The following RBMX variants were observed in gnomAD, a reference collection of about 807,000 sequenced individuals.
RBMX encodes RNA-binding motif protein, X chromosome.
In RBMX, 1 loss-of-function variant was observed where a neutral mutation model predicts 29.3. The ratio of observed to expected loss-of-function variants is 0.03; its 90% CI spans 0.01 to 0.16. RBMX has a LOEUF of 0.16. Ranked by LOEUF, RBMX falls within the 10% of genes least tolerant of loss-of-function variation. The pLI is 1.00. For synonymous variants in RBMX, 102 were observed against 102.3 expected (o/e 1.00, Z 0.02); for missense variants, 121 against 333.2 (o/e 0.36, Z 4.96).
intron 1 of RBMX, 136 bp from the exon 2 acceptor site, chrX:136,879,589 A>G: frequency 1.8e-6 from 1 of 545,396 alleles, no homozygotes; most frequent in African/African-American, 2.3e-5. Flanking sequence ...TAACGAGCTA[A>G]GCCTCAGCCA....
downstream of RBMX, among the ~76,000 whole-genome samples, chrX:136,872,058 G>A (rs1474761567): frequency 3.6e-5 from 4 of 111,480 alleles, no homozygotes; most frequent in Non-Finnish European, 7.5e-5. Flanking sequence ...TCTCATGAAT[G>A]AGCCAGACTC....
Position 136,873,911 on chromosome X carries a change from T to C in RBMX, c.*231A>G. On this transcript the variant is annotated 3_prime_UTR_variant, in exon 9 of 9. Transcript: ENST00000320676. ...GAAAGTTACAACACTAGTACAAGTCTTAACACATTTAACATTTGCTTGTTG... is the reference window on the plus strand; with the variant it reads ...GAAAGTTACAACACTAGTACAAGTCCTAACACATTTAACATTTGCTTGTTG... 1 of 1,052,737 alleles carries C rather than the reference T, an allele frequency of 9.5e-7. No homozygotes were observed. The highest frequency in any genetic ancestry group is 2.8e-5 in the South Asian group (1 of 36,016). The allele number at this position is 1,052,737 out of a possible 1,213,427, so 86.8% of individuals were successfully genotyped here. A position where few individuals can be genotyped will look rare whatever the true frequency, so the allele number is the denominator to read the frequency against.
At chrX:136,877,500 G>C (rs2077746554) in intron 4 of RBMX, among the ~76,000 whole-genome samples, 3 of 103,763 alleles carry the variant, frequency 2.9e-5, no homozygotes, top group Admixed American at 1.0e-4. Context: ...CCCCAGGCTG[G>C]AGTACAGTGG....
At position 136,880,362 on chromosome X, in the gene RBMX, C is replaced by A. The variant is rs1369401234; in HGVS notation, c.-27+235G>T. Among the ~76,000 whole-genome samples, 4 of 112,518 alleles carry A rather than the reference C, an allele frequency of 3.6e-5. No homozygotes were observed. In the Admixed American group the frequency reaches 3.8e-4, roughly 11 times the overall value. On this transcript the variant is annotated intron_variant, in intron 1 of 8. Transcript: ENST00000320676. Reference sequence around the variant, plus strand: ...CCTCGCCCCGCTCCAGCCTACAAAGCCCCGACCTCCGCTACCAACTCCCGC... The same window carrying A: ...CCTCGCCCCGCTCCAGCCTACAAAGACCCGACCTCCGCTACCAACTCCCGC...
At chrX:136,869,458 T>C (rs769014254), downstream of RBMX, 100 of 111,995 alleles carry the variant, frequency 8.9e-4, 1 homozygote, top group African/African-American at 3.1e-3. Flanking sequence ...CTATATCCTA[T>C]ACTATCTTCA....
chrX:136,871,392 C>T (rs1304295889), downstream of RBMX, among the ~76,000 whole-genome samples: 8 of 96,784 alleles, frequency 8.3e-5, no homozygotes, highest in Non-Finnish European at 1.0e-4. Context: ...TGCAGTGAGC[C>T]GAGATCGCGC....
intron 5 of RBMX, 39 bp from the exon 6 acceptor site, chrX:136,875,624 A>G (rs1250942925): frequency 1.7e-6 from 2 of 1,186,149 alleles, no homozygotes; most frequent in African/African-American, 3.5e-5. Flanking sequence ...ATAGCCAGAG[A>G]AAAAAGTTAA....
rs952738545 is a variant in RBMX at position 136,877,336 on chromosome X, C to A, written c.388+579G>T. Reference sequence around the variant, plus strand: ...AACAAGTGCTAAACTCTACCCCCCCCCCCCCAAAAAAAAACCATTATTGAT... The same window carrying A: ...AACAAGTGCTAAACTCTACCCCCCCACCCCCAAAAAAAAACCATTATTGAT... On this transcript the variant is annotated intron_variant, in intron 4 of 8. Coordinates refer to ENST00000320676, the MANE Select transcript of RBMX (RefSeq NM_002139.4). 3.6e-5 allele frequency among the ~76,000 whole-genome samples: 3 copies of A among 84,347 alleles called. 1 individual carries two copies. Among genetic ancestry groups the A allele is most frequent in the African/African-American group, 8.4e-5 (2 of 23,777 alleles). The allele number at this position is 84,347 out of a possible 115,157, so 73.2% of individuals were successfully genotyped here. A position where few individuals can be genotyped will look rare whatever the true frequency, so the allele number is the denominator to read the frequency against.
At chrX:136,872,794 C>T (rs2077692649), downstream of RBMX, 1 of 113,859 alleles carries the variant, frequency 8.8e-6, no homozygotes, top group African/African-American at 3.3e-5. Flanking sequence ...TTTCATAGAA[C>T]TAAAAACAAG....
In RBMX at chrX:136,875,324, C is replaced by CGTG. The variant is rs2077715564; in HGVS notation, c.713_715dup (p.Pro238dup). 3 of 1,211,484 alleles carry CGTG rather than the reference C, an allele frequency of 2.5e-6. No individual in the cohort carries two copies. In the East Asian group the frequency reaches 8.9e-5, roughly 36 times the overall value. Reference sequence around the variant, plus strand: ...ACCATAATCACGGTAAGTATAATCTCGTGGTGGTGGTGCATAATCTCTAGT... The same window carrying CGTG: ...ACCATAATCACGGTAAGTATAATCTCGTGGTGGTGGTGGTGCATAATCTCTAGT... On this transcript the variant is annotated inframe_insertion, in exon 7 of 9. Transcript: ENST00000320676.
intron 4 of RBMX, among the ~76,000 whole-genome samples, chrX:136,877,331 C>CT (rs1224262939): frequency 1.3e-5 from 1 of 75,370 alleles, no homozygotes; most frequent in African/African-American, 4.7e-5. Context: ...AAACTCTACC[C>CT]CCCCCCCCCC....
At chrX:136,870,111 T>C (rs1229029024), downstream of RBMX, 1 of 112,789 alleles carries the variant, frequency 8.9e-6, no homozygotes, top group Non-Finnish European at 1.9e-5. Context: ...GTTGTCCCCA[T>C]GACTTTAGCT....
intron 5 of RBMX, among the ~76,000 whole-genome samples, chrX:136,876,125 G>GTTTT (rs778800086): frequency 1.5e-4 from 12 of 77,705 alleles, no homozygotes; most frequent in African/African-American, 4.5e-4. Context: ...TTTTTTTTTT[G>GTTTT]TTTTTTTTTT....
At chrX:136,880,484 C>G (rs1352408484) in intron 1 of RBMX, 113 bp downstream of exon 1, 1 of 111,711 alleles carries the variant, frequency 9.0e-6, no homozygotes, top group Non-Finnish European at 1.9e-5. Context: ...TAGGTCGGAA[C>G]CTTTGGGTTC....
rs1168334032 is a variant in RBMX at position 136,877,341 on chromosome X, C to CA, written c.388+573dup. On this transcript the variant is annotated intron_variant, in intron 4 of 8. Transcript: ENST00000320676. ...GTGCTAAACTCTACCCCCCCCCCCCCAAAAAAAAACCATTATTGATTTGGG... is the reference window on the plus strand; with the variant it reads ...GTGCTAAACTCTACCCCCCCCCCCCCAAAAAAAAAACCATTATTGATTTGGG... Among the ~76,000 whole-genome samples the CA allele has an allele frequency of 5.2e-4, 38 of 73,647 alleles. 2 individuals are homozygous for CA. Among genetic ancestry groups the CA allele is most frequent in the African/African-American group, 1.2e-3 (23 of 18,497 alleles). The allele number at this position is 73,647 out of a possible 115,157, so 64.0% of individuals were successfully genotyped here.
At position 136,875,347 on chromosome X, in the gene RBMX, A is replaced by G. The variant is rs2077715900; in HGVS notation, c.693T>C (p.Thr231=). 8.3e-7 allele frequency: 1 copy of G among 1,211,218 alleles called. No individual in the cohort carries two copies. Among genetic ancestry groups the G allele is most frequent in the Non-Finnish European group, 1.1e-6 (1 of 895,216 alleles). The change falls in exon 7 of 9, where the codon ACT becomes ACC. Residue 231 remains threonine (T), a synonymous_variant. Coordinates refer to ENST00000320676, the MANE Select transcript of RBMX (RefSeq NM_002139.4). The stretch of plus-strand genomic sequence containing the variant: ...CTCGTGGTGGTGGTGCATAATCTCT[A>G]GTATCACGAGAACTTGGGTAATCTC... ...SSRDYPSSRD[T]RDYAPPPRDY...
At chrX:136,878,229 T>C in intron 3 of RBMX, 143 bp from the exon 4 acceptor site, 1 of 491,839 alleles carries the variant, frequency 2.0e-6, no homozygotes, top group South Asian at 5.8e-5. Flanking sequence ...ACTGCAAATA[T>C]AGTCAGTTTA....
chrX:136,870,954 A>G (rs1443316582), downstream of RBMX, among the ~76,000 whole-genome samples: 2 of 107,253 alleles, frequency 1.9e-5, no homozygotes, highest in African/African-American at 6.8e-5. Flanking sequence ...AATACAAATA[A>G]TAATAATAAT....
downstream of RBMX, among the ~76,000 whole-genome samples, chrX:136,871,211 C>T (rs1237970334): frequency 2.8e-5 from 3 of 108,645 alleles, no homozygotes; most frequent in Non-Finnish European, 3.8e-5. Context: ...CTTTGGGAGG[C>T]GAGGCAGGCA....
Sources: gnomAD v4.1 joint callset for allele counts (sites outside exome capture counted in the v4.1 genomes callset) on GRCh38, gnomAD v4.1.1 for gene constraint, MANE v1.5 for transcripts, NCBI Gene and HGNC (gene_info 2026-07-23, HGNC 2026-07-21) for gene names.